MIPEP: variants seen among roughly 807,000 people sequenced by gnomAD.
The protein encoded by MIPEP is mitochondrial intermediate peptidase.
MIPEP carries 79 observed loss-of-function variants against 90.3 expected under a neutral mutation model. The observed-to-expected ratio is 0.87, with a 90% CI of 0.73 to 1.05. The LOEUF is 1.05. Ranked by LOEUF, MIPEP falls within the 50% of genes least tolerant of loss-of-function variation. The pLI is 0.00. For synonymous variants in MIPEP, 334 were observed against 315.8 expected, an observed-to-expected ratio of 1.06 and a Z score of -0.61; for missense variants, 940 against 905.6, an observed-to-expected ratio of 1.04 and a Z score of -0.49.
At chr13:23,848,545 G>A in intron 10 of MIPEP, among the ~76,000 whole-genome samples, 1 of 152,174 alleles carries the variant, frequency 6.6e-6, no homozygotes, top group African/African-American at 2.4e-5. Flanking sequence ...CAAGGCATTG[G>A]CTCAAAGATG....
chr13:23,829,402 G>A (rs1465545603), intron 14 of MIPEP, among the ~76,000 whole-genome samples: 5 of 151,412 alleles, frequency 3.3e-5, no homozygotes, highest in African/African-American at 7.3e-5. Flanking sequence ...AAGCCTGGGC[G>A]AAAGAGCAAG....
intron 10 of MIPEP, among the ~76,000 whole-genome samples, chr13:23,852,943 A>G (rs1033187415): frequency 6.6e-6 from 1 of 152,210 alleles, no homozygotes; most frequent in Non-Finnish European, 1.5e-5. Flanking sequence ...TATAACAAAA[A>G]AATTTAAAAA....
intron 16 of MIPEP, among the ~76,000 whole-genome samples, chr13:23,761,156 C>T (rs1028519014): frequency 4.7e-5 from 7 of 148,790 alleles, no homozygotes; most frequent in East Asian, 2.0e-4. Flanking sequence ...AAGAGACAAA[C>T]GCTAAGAACC....
chr13:23,856,370 A>G (rs1870047847), intron 10 of MIPEP, among the ~76,000 whole-genome samples: 1 of 152,226 alleles, frequency 6.6e-6, no homozygotes, highest in African/African-American at 2.4e-5. Flanking sequence ...AAAAATCAGA[A>G]CAAATAAATG....
chr13:23,767,346 A>G (rs7320178), intron 16 of MIPEP, among the ~76,000 whole-genome samples: 11,902 of 152,248 alleles, frequency 0.078, 1,558 homozygotes, highest in African/African-American at 0.27. Flanking sequence ...TTTAAATGAG[A>G]CTTAGGTTAA....
intron 10 of MIPEP, among the ~76,000 whole-genome samples, chr13:23,855,892 A>G (rs998880325): frequency 3.9e-5 from 6 of 152,226 alleles, no homozygotes; most frequent in South Asian, 2.1e-4. Flanking sequence ...GATTTCAAGG[A>G]CTTAGCAAGC....
At chr13:23,756,101 G>A (rs944223187) in intron 18 of MIPEP, among the ~76,000 whole-genome samples, 3 of 152,182 alleles carry the variant, frequency 2.0e-5, no homozygotes, top group African/African-American at 7.2e-5. Flanking sequence ...AGGACACAGT[G>A]AGACAGATGC....
At chr13:23,759,480 C>G (rs76737125) in intron 17 of MIPEP, among the ~76,000 whole-genome samples, 7 of 150,162 alleles carry the variant, frequency 4.7e-5, no homozygotes, top group Non-Finnish European at 8.9e-5. Context: ...CAAGACAGCA[C>G]GGGACGGGAT....
intron 16 of MIPEP, among the ~76,000 whole-genome samples, chr13:23,803,630 G>T (rs1463690453): frequency 2.0e-5 from 3 of 152,054 alleles, no homozygotes; most frequent in African/African-American, 7.2e-5. Context: ...TGAGTCTGCC[G>T]TTGGGCTCTT....
intron 14 of MIPEP, among the ~76,000 whole-genome samples, chr13:23,816,497 T>C (rs557243186): frequency 6.6e-6 from 1 of 151,372 alleles, no homozygotes; most frequent in South Asian, 2.1e-4. Flanking sequence ...ATATCGTGGC[T>C]TTATTACCTA....
Position 23,869,404 on chromosome 13 carries a change from A to C in MIPEP, c.831T>G (p.Gly277=). 2 of 1,611,880 alleles carry C rather than the reference A, an allele frequency of 1.2e-6. No individual in the cohort carries two copies. The highest frequency in any genetic ancestry group is 1.7e-6 in the Non-Finnish European group (2 of 1,179,566). ...GCAATTCTTCTAAACATTTCAATTG[A>C]CCAGCATTGGGATAAAGAAAAATTT... ...AYKIFLYPNA[G]QLKCLEELLS... Residue 277 remains glycine, a synonymous_variant, in exon 7 of 19, where the codon GGT becomes GGG. Transcript: ENST00000382172.
chr13:23,812,657 C>A (rs1258917777), intron 14 of MIPEP, among the ~76,000 whole-genome samples: 3 of 151,928 alleles, frequency 2.0e-5, no homozygotes, highest in African/African-American at 7.3e-5. Flanking sequence ...TACCAGCAAA[C>A]CAGACACTGC....
intron 16 of MIPEP, among the ~76,000 whole-genome samples, chr13:23,764,775 C>A (rs1952577963): frequency 6.6e-6 from 1 of 152,112 alleles, no homozygotes; most frequent in South Asian, 2.1e-4. Context: ...GTTTCCCAGG[C>A]TAGTTTTGAA....
intron 16 of MIPEP, 54 bp from the exon 17 acceptor site, chr13:23,760,271 A>G: frequency 6.2e-7 from 1 of 1,612,222 alleles, no homozygotes; most frequent in Non-Finnish European, 8.5e-7. Flanking sequence ...CCACTTGGAG[A>G]ATATCACATG....
chr13:23,803,385 C>A, intron 16 of MIPEP, among the ~76,000 whole-genome samples: 1 of 152,056 alleles, frequency 6.6e-6, no homozygotes. Context: ...ACAACAACAA[C>A]AACAAAAACA....
chr13:23,818,272 T>C (rs76131198), intron 14 of MIPEP, among the ~76,000 whole-genome samples: 6 of 148,394 alleles, frequency 4.0e-5, no homozygotes, highest in Non-Finnish European at 8.9e-5. Context: ...AAAAAAAAAT[T>C]AGCTGGGCCT....
chr13:23,823,201 C>T (rs1338885962), intron 14 of MIPEP, among the ~76,000 whole-genome samples: 4 of 152,094 alleles, frequency 2.6e-5, no homozygotes, highest in African/African-American at 4.8e-5. Flanking sequence ...GTGTGAAAGA[C>T]GAAGGCTTGG....
chr13:23,806,903 G>C (rs1566000453), intron 15 of MIPEP, among the ~76,000 whole-genome samples: 1 of 152,132 alleles, frequency 6.6e-6, no homozygotes, highest in Non-Finnish European at 1.5e-5. Context: ...TGTGATAAAA[G>C]GTGAAAGAAA....
intron 1 of MIPEP, 184 bp downstream of exon 1, chr13:23,888,948 G>A: frequency 3.5e-6 from 2 of 567,218 alleles, no homozygotes; most frequent in Non-Finnish European, 5.3e-6. Flanking sequence ...CACTAAACCC[G>A]GCCCCTCAAA....
Sources: allele counts gnomAD v4.1 joint callset (sites outside exome capture counted in the v4.1 genomes callset), GRCh38; gene constraint gnomAD v4.1.1; transcripts MANE v1.5; gene names NCBI Gene and HGNC (gene_info 2026-07-23, HGNC 2026-07-21).